The following CSMD1 variants were observed in gnomAD, a reference collection of about 807,000 sequenced individuals.
The protein encoded by CSMD1 is CUB and sushi domain-containing protein 1.
A neutral mutation model predicts 417.5 loss-of-function variants in CSMD1; 213 were observed. The ratio of observed to expected loss-of-function variants is 0.51; its 90% CI spans 0.46 to 0.57. The LOEUF is 0.57. Ranked by LOEUF, CSMD1 falls within the 20% of genes least tolerant of loss-of-function variation. CSMD1 has a pLI of 0.00. For synonymous variants in CSMD1, 2,862 were observed against 1,736.8 expected, an observed-to-expected ratio of 1.65 and a Z score of -16.11; for missense variants, 6,923 against 4,529.7, an observed-to-expected ratio of 1.53 and a Z score of -15.17.
chr8:3,110,476 G>T, intron 42 of CSMD1, 141 bp from the exon 43 acceptor site: 1 of 649,410 alleles, frequency 1.5e-6, no homozygotes, highest in Non-Finnish European at 2.4e-6. Flanking sequence ...TCACCATTTT[G>T]TCAAAATTAC....
At chr8:3,221,529 A>G (rs979401172) in intron 28 of CSMD1, among the ~76,000 whole-genome samples, 3 of 150,298 alleles carry the variant, frequency 2.0e-5, no homozygotes, top group Non-Finnish European at 4.4e-5. Context: ...CAGACACAGG[A>G]AAACAAACAA....
At chr8:3,585,155 T>C (rs1800545457) in intron 9 of CSMD1, among the ~76,000 whole-genome samples, 1 of 152,116 alleles carries the variant, frequency 6.6e-6, no homozygotes, top group South Asian at 2.1e-4. Context: ...CCAGGTACAA[T>C]ACAGTAAATG....
At chr8:4,676,582 G>A (rs1168278245) in intron 1 of CSMD1, among the ~76,000 whole-genome samples, 1 of 152,070 alleles carries the variant, frequency 6.6e-6, no homozygotes, top group African/African-American at 2.4e-5. Context: ...CAGCTACCAC[G>A]GCACCCTTTA....
chr8:3,908,744 C>A (rs1054699126), intron 5 of CSMD1, among the ~76,000 whole-genome samples: 3 of 152,132 alleles, frequency 2.0e-5, no homozygotes, highest in Admixed American at 1.3e-4. Context: ...ATTAATATAC[C>A]TTCCAAAGGC....
chr8:3,815,762 C>G (rs904091997), intron 5 of CSMD1, among the ~76,000 whole-genome samples: 22 of 151,822 alleles, frequency 1.4e-4, no homozygotes, highest in Admixed American at 1.4e-3. Context: ...GTCATAAAAC[C>G]ACATTGTTCA....
At chr8:4,679,301 T>C (rs1020913090) in intron 1 of CSMD1, among the ~76,000 whole-genome samples, 2 of 152,230 alleles carry the variant, frequency 1.3e-5, no homozygotes, top group Non-Finnish European at 2.9e-5. Context: ...TGCAGATGCA[T>C]GAAGGGCGAA....
chr8:3,613,210 G>A (rs1801974497), intron 8 of CSMD1: 2 of 305,476 alleles, frequency 6.5e-6, no homozygotes, highest in South Asian at 2.8e-5. Flanking sequence ...AAAGCTCACT[G>A]AAGTAGAAGT....
chr8:3,768,712 A>G (rs547203072), intron 5 of CSMD1, among the ~76,000 whole-genome samples: 1 of 152,326 alleles, frequency 6.6e-6, no homozygotes, highest in South Asian at 2.1e-4. Flanking sequence ...AAAGTTATGT[A>G]ATTTCTTTAT....
At chr8:3,407,581 G>T (rs547444456) in intron 14 of CSMD1, among the ~76,000 whole-genome samples, 1 of 151,952 alleles carries the variant, frequency 6.6e-6, no homozygotes, top group Non-Finnish European at 1.5e-5. Context: ...GTGGGTGCAT[G>T]GATGGATAGA....
At chr8:4,522,923 G>A (rs75981588) in intron 2 of CSMD1, among the ~76,000 whole-genome samples, 1 of 152,160 alleles carries the variant, frequency 6.6e-6, no homozygotes, top group Non-Finnish European at 1.5e-5. Context: ...TAAGGACATT[G>A]CTGTTATCCT....
At chr8:3,357,411 G>A (rs1363636896) in intron 21 of CSMD1, among the ~76,000 whole-genome samples, 1 of 152,176 alleles carries the variant, frequency 6.6e-6, no homozygotes, top group Non-Finnish European at 1.5e-5. Context: ...ATTGTCATGG[G>A]ACTAAACACG....
At chr8:4,421,826 G>A (rs1345457669) in intron 2 of CSMD1, among the ~76,000 whole-genome samples, 2 of 151,456 alleles carry the variant, frequency 1.3e-5, no homozygotes, top group African/African-American at 4.8e-5. Context: ...AACAAGAAAA[G>A]TACAGAAATC....
chr8:3,391,133 C>CT (rs1811321124), intron 17 of CSMD1, among the ~76,000 whole-genome samples: 1 of 151,544 alleles, frequency 6.6e-6, no homozygotes, highest in South Asian at 2.1e-4. Context: ...GACCACTCTC[C>CT]TTTCCTTTTC....
At chr8:4,565,223 C>T (rs1161816029) in intron 2 of CSMD1, among the ~76,000 whole-genome samples, 1 of 152,100 alleles carries the variant, frequency 6.6e-6, no homozygotes, top group Admixed American at 6.5e-5. Flanking sequence ...GTAATAACTT[C>T]AAGGGAAATT....
chr8:4,094,148 G>C (rs1800875574), intron 3 of CSMD1, among the ~76,000 whole-genome samples: 1 of 152,186 alleles, frequency 6.6e-6, no homozygotes, highest in African/African-American at 2.4e-5. Flanking sequence ...GGGATGAGGG[G>C]ACACAGCCGT....
Position 4,183,907 on chromosome 8 carries a change from T to A in CSMD1, c.416-151808A>T, listed in dbSNP as rs1188516223. Among the ~76,000 whole-genome samples the A allele has an allele frequency of 2.0e-5, 3 of 152,126 alleles. No individual in the cohort carries two copies. In the East Asian group the frequency reaches 5.8e-4, roughly 29 times the overall value. ...GCATGTGGACAGTTTGGCCACAGCT[T>A]GGGGCAGCTACCACATGATAGTCTG... On this transcript the variant is annotated intron_variant, in intron 3 of 69. Transcript: ENST00000635120.
intron 8 of CSMD1, chr8:3,598,205 C>G (rs1036792149): frequency 1.3e-5 from 2 of 152,130 alleles, no homozygotes; most frequent in Non-Finnish European, 2.9e-5. Flanking sequence ...AAGAGGGTGT[C>G]TAGGGAAGTT....
chr8:3,813,730 T>C (rs1000780115), intron 5 of CSMD1, among the ~76,000 whole-genome samples: 4 of 152,228 alleles, frequency 2.6e-5, no homozygotes, highest in Non-Finnish European at 4.4e-5. Flanking sequence ...AAATGGTCCA[T>C]GGTCCATTTC....
At chr8:4,530,511 C>T (rs1796755804) in intron 2 of CSMD1, among the ~76,000 whole-genome samples, 1 of 149,970 alleles carries the variant, frequency 6.7e-6, no homozygotes, top group South Asian at 2.1e-4. Context: ...GACCCCCTGA[C>T]AGGCCCCAGT....
Sources: allele counts gnomAD v4.1 joint callset (sites outside exome capture counted in the v4.1 genomes callset), GRCh38; gene constraint gnomAD v4.1.1; transcripts MANE v1.5; gene names NCBI Gene and HGNC (gene_info 2026-07-23, HGNC 2026-07-21).